Variants in SLC4A10 observed in about 807,000 individuals in gnomAD.
SLC4A10 encodes the protein solute carrier family 4 member 10, also known as sodium-driven chloride bicarbonate exchanger.
SLC4A10 carries 42 observed loss-of-function variants against 137.7 expected under a neutral mutation model. The observed-to-expected ratio is 0.30, with a 90% CI of 0.24 to 0.39. The LOEUF (loss-of-function observed/expected upper bound fraction) is 0.39. Ranked by LOEUF, SLC4A10 falls within the 10% of genes least tolerant of loss-of-function variation. The pLI is 1.00. For synonymous variants in SLC4A10, 474 were observed against 464.1 expected (o/e 1.02, Z -0.27); for missense variants, 925 against 1,355.0 (o/e 0.68, Z 4.98).
At chr2:161,830,886 A>G (rs2058391767) in intron 3 of SLC4A10, among the ~76,000 whole-genome samples, 1 of 152,200 alleles carries the variant, frequency 6.6e-6, no homozygotes, top group Non-Finnish European at 1.5e-5. Context: ...GTAGGGTGCT[A>G]TAAGTTAGGA....
intron 3 of SLC4A10, among the ~76,000 whole-genome samples, chr2:161,818,801 A>C (rs1189267067): frequency 6.6e-6 from 1 of 152,182 alleles, no homozygotes; most frequent in Non-Finnish European, 1.5e-5. Flanking sequence ...CATATGTTGA[A>C]CCAGCCTTGC....
intron 16 of SLC4A10, among the ~76,000 whole-genome samples, chr2:161,944,916 G>T (rs1249993486): frequency 6.6e-6 from 1 of 151,170 alleles, no homozygotes; most frequent in Non-Finnish European, 1.5e-5. Flanking sequence ...TTAAAATAGT[G>T]ACATAACATT....
At chr2:161,981,702 A>G (rs180683105) in intron 26 of SLC4A10, among the ~76,000 whole-genome samples, 36 of 152,376 alleles carry the variant, frequency 2.4e-4, no homozygotes, top group African/African-American at 8.4e-4. Context: ...GGAGTTAAAA[A>G]TACGAGTTAG....
chr2:161,641,038 G>A (rs2035248995), intron 1 of SLC4A10, among the ~76,000 whole-genome samples: 1 of 152,072 alleles, frequency 6.6e-6, no homozygotes, highest in African/African-American at 2.4e-5. Flanking sequence ...TTTTGGCCAT[G>A]ACAATTTTCA....
chr2:161,669,643 A>T (rs1574239875), intron 1 of SLC4A10, among the ~76,000 whole-genome samples: 1 of 152,072 alleles, frequency 6.6e-6, no homozygotes, highest in African/African-American at 2.4e-5. Flanking sequence ...ATCATGTGGT[A>T]TATAAACATA....
intron 1 of SLC4A10, among the ~76,000 whole-genome samples, chr2:161,662,259 A>T (rs2038520343): frequency 1.3e-5 from 2 of 152,246 alleles, no homozygotes; most frequent in Admixed American, 1.3e-4. Context: ...TTAAAACCAT[A>T]TCCAGAACAA....
At chr2:161,850,037 G>GT (rs1018772961) in intron 4 of SLC4A10, among the ~76,000 whole-genome samples, 8 of 151,888 alleles carry the variant, frequency 5.3e-5, no homozygotes, top group East Asian at 1.9e-4. Flanking sequence ...TGGTTGATAG[G>GT]TTTTTTTTAT....
intron 1 of SLC4A10, among the ~76,000 whole-genome samples, chr2:161,636,611 G>T (rs2034432064): frequency 6.6e-6 from 1 of 152,024 alleles, no homozygotes; most frequent in Non-Finnish European, 1.5e-5. Flanking sequence ...TGTTGGCCAG[G>T]CTGGTCTCGA....
intron 15 of SLC4A10, among the ~76,000 whole-genome samples, chr2:161,932,681 C>A (rs1380702272): frequency 1.3e-5 from 2 of 152,140 alleles, no homozygotes; most frequent in African/African-American, 4.8e-5. Context: ...TCAGGATTCA[C>A]CTGATCTGCC....
chr2:161,642,900 C>T lies in SLC4A10; in HGVS notation c.48+18334C>T, dbSNP rs76178919. Among the ~76,000 whole-genome samples, 1,243 of 151,866 alleles carry T rather than the reference C, an allele frequency of 8.2e-3. 12 individuals are homozygous for T. Among genetic ancestry groups the T allele is most frequent in the East Asian group, 0.028 (143 of 5,180 alleles). On this transcript the variant is annotated intron_variant, in intron 1 of 26. Coordinates refer to ENST00000446997, the MANE Select transcript of SLC4A10 (RefSeq NM_001178015.2). The stretch of plus-strand genomic sequence containing the variant: ...AAACTTTTCACTAGTATTTTTGTAG[C>T]GAAGACAAAAATCATTTGGTTCAAG...
intron 1 of SLC4A10, among the ~76,000 whole-genome samples, chr2:161,651,793 C>T (rs1376190362): frequency 6.6e-6 from 1 of 150,870 alleles, no homozygotes; most frequent in Non-Finnish European, 1.5e-5. Context: ...TGCTTACACA[C>T]ACATCCCTCC....
rs945636932 is a variant in SLC4A10 at position 161,945,206 on chromosome 2, A to G, written c.2103+2309A>G. On this transcript the variant is annotated intron_variant, in intron 16 of 26. Transcript: ENST00000446997. ...TGTATATATATATATATATATATAT[A>G]TATATATATATATATATATATATAT... Among the ~76,000 whole-genome samples the G allele has an allele frequency of 7.2e-4, 61 of 85,002 alleles. 2 individuals are homozygous for G. Among genetic ancestry groups the G allele is most frequent in the East Asian group, 9.9e-4 (4 of 4,036 alleles). 55.8% of individuals were successfully genotyped at this position (85,002 alleles called of 152,430 possible).
At chr2:161,656,519 A>G (rs1335040497) in intron 1 of SLC4A10, among the ~76,000 whole-genome samples, 1 of 152,206 alleles carries the variant, frequency 6.6e-6, no homozygotes, top group Non-Finnish European at 1.5e-5. Context: ...TGTAGAATGT[A>G]TTAAAACAAA....
chr2:161,737,740 A>G (rs930822725), intron 1 of SLC4A10, among the ~76,000 whole-genome samples: 4 of 152,166 alleles, frequency 2.6e-5, no homozygotes, highest in Non-Finnish European at 5.9e-5. Context: ...CCTAATATGC[A>G]TGTAAACATA....
At chr2:161,722,975 G>A (rs1005571333) in intron 1 of SLC4A10, among the ~76,000 whole-genome samples, 3 of 152,180 alleles carry the variant, frequency 2.0e-5, no homozygotes, top group Non-Finnish European at 2.9e-5. Flanking sequence ...CTGCTGGACT[G>A]CACTGTAGGG....
intron 3 of SLC4A10, among the ~76,000 whole-genome samples, chr2:161,808,431 T>C (rs1428352086): frequency 1.3e-5 from 2 of 152,170 alleles, no homozygotes; most frequent in African/African-American, 4.8e-5. Flanking sequence ...CTTTCACTTC[T>C]TTTACTTTGG....
intron 7 of SLC4A10, chr2:161,873,656 T>C (rs2061285487): frequency 7.5e-6 from 2 of 267,768 alleles, no homozygotes; most frequent in Middle Eastern, 1.2e-3. Flanking sequence ...CTCAGAGTAA[T>C]ATTTTAATAA....
At chr2:161,761,124 C>A (rs2050213107) in intron 1 of SLC4A10, among the ~76,000 whole-genome samples, 1 of 152,038 alleles carries the variant, frequency 6.6e-6, no homozygotes, top group South Asian at 2.1e-4. Context: ...CACAAAGTCA[C>A]ATAGCTAGAA....
At chr2:161,711,960 C>T (rs2044339150) in intron 1 of SLC4A10, among the ~76,000 whole-genome samples, 1 of 151,814 alleles carries the variant, frequency 6.6e-6, no homozygotes, top group African/African-American at 2.4e-5. Flanking sequence ...CCTTTGTCGA[C>T]AGACTTTGTT....
Sources: allele counts gnomAD v4.1 joint callset (sites outside exome capture counted in the v4.1 genomes callset), GRCh38; gene constraint gnomAD v4.1.1; transcripts MANE v1.5; gene names NCBI Gene and HGNC (gene_info 2026-07-23, HGNC 2026-07-21).